Variants in BPIFB2 observed in about 807,000 individuals in gnomAD.
BPIFB2 encodes the protein BPI fold-containing family B member 2.
Under a neutral mutation model 50.1 loss-of-function variants are expected in BPIFB2, and 39 were observed. The observed-to-expected ratio is 0.78, with a 90% confidence interval of 0.60 to 1.02. The LOEUF (loss-of-function observed/expected upper bound fraction) is 1.02. Among genes scored for constraint, BPIFB2 ranks in the 50% least tolerant of loss-of-function variants. BPIFB2 has a pLI of 0.00. For missense variants in BPIFB2, 574 were observed against 585.8 expected, an observed-to-expected ratio of 0.98 and a Z score of 0.21; for synonymous variants, 280 against 256.3, an observed-to-expected ratio of 1.09 and a Z score of -0.88.
chr20:33,020,559 T>G lies in BPIFB2; in HGVS notation c.1166T>G (p.Val389Gly). 1 of 1,609,430 alleles carries G rather than the reference T, an allele frequency of 6.2e-7. No individual in the cohort carries two copies. Among genetic ancestry groups the G allele is most frequent in the Non-Finnish European group, 8.5e-7 (1 of 1,177,000 alleles). ...TSVLGDVQLT[V>G]ASSNVGFIDT... ...TCTTTCAGGGATGTCCAGCTCACGG[T>G]GGCCTCCTCCAACGTGGGCTTCATT... The change falls in exon 13 of 16, where the codon GTG becomes GGG. Residue 389 changes from valine to glycine, a missense_variant. Coordinates refer to ENST00000170150, the MANE Select transcript of BPIFB2 (RefSeq NM_025227.3).
chr20:33,019,883 G>A (rs948104950), intron 11 of BPIFB2, 133 bp downstream of exon 11: 60 of 1,195,734 alleles, frequency 5.0e-5, no homozygotes, highest in Middle Eastern at 3.9e-4. Context: ...GGACACTCCC[G>A]CCCCAGGACC....
In BPIFB2 at chr20:33,008,656, C is replaced by T. The variant is rs143361589; in HGVS notation, c.82C>T (p.Arg28Ter). 1.5e-5 allele frequency: 24 copies of T among 1,606,742 alleles called. No homozygotes were observed. The highest frequency in any genetic ancestry group is 2.7e-5 in the African/African-American group (2 of 74,774). The stretch of plus-strand genomic sequence containing the variant: ...TGCCTCCACGCCAGGCACCGTGGTC[C>T]GACTCAACAAGGCAGCATTGAGCTA... ...VGASTPGTVV[R>*]LNKAALSYVS... The change falls in exon 2 of 16, where the codon CGA becomes TGA. Residue 28 changes from arginine to a stop codon, truncating the protein, a stop_gained. Coordinates refer to ENST00000170150, the MANE Select transcript of BPIFB2 (RefSeq NM_025227.3). LOFTEE classifies it high-confidence loss of function.
rs1395714238 is a variant in BPIFB2, at chr20:33,015,466, G to A, written c.486G>A (p.Gln162=). ...STSHALLVLV[Q]KHIKAVLSNK... is the part of the protein sequence containing the mutation. ...CCCACGCGCTGCTGGTCCTGGTGCA[G>A]AAGCACATTAAAGCTGTCTTGAGTA... The change falls in exon 6 of 16, where the codon CAG becomes CAA. Residue 162 remains glutamine (Q), a synonymous_variant. Coordinates refer to ENST00000170150, the MANE Select transcript of BPIFB2 (RefSeq NM_025227.3). The A allele has an allele frequency of 5.6e-6, 9 of 1,613,704 alleles. No individual in the cohort carries two copies. Among genetic ancestry groups the A allele is most frequent in the Non-Finnish European group, 6.8e-6 (8 of 1,179,904 alleles).
intron 15 of BPIFB2, among the ~76,000 whole-genome samples, 178 bp from the exon 16 acceptor site, chr20:33,023,164 G>T (rs1430681697): frequency 6.6e-6 from 1 of 152,174 alleles, no homozygotes; most frequent in East Asian, 1.9e-4. Flanking sequence ...TTGTGAGGTG[G>T]AGGCTGTTAC....
Position 33,017,052 on chromosome 20 carries a change from G to T in BPIFB2, c.527G>T (p.Ser176Ile). The T allele has an allele frequency of 6.2e-7, 1 of 1,614,060 alleles. No individual in the cohort carries two copies. Among genetic ancestry groups the T allele is most frequent in the Non-Finnish European group, 8.5e-7 (1 of 1,179,956 alleles). The stretch of plus-strand genomic sequence containing the variant: ...TCTGTCTTACCACAGCTGTGCCTGA[G>T]CATCTCCAACCTGGTGCAGGGTGTC... ...KAVLSNKLCLSISNLVQGVNV... is the reference protein window; with the variant it reads ...KAVLSNKLCLIISNLVQGVNV... Residue 176 changes from serine to isoleucine, a missense_variant, in exon 7 of 16, where the codon AGC becomes ATC. By Grantham distance (142) the Ser-to-Ile change is moderately radical. Coordinates refer to ENST00000170150, the MANE Select transcript of BPIFB2 (RefSeq NM_025227.3).
chr20:33,008,752 C>A, intron 2 of BPIFB2, 69 bp downstream of exon 2: 1 of 1,308,216 alleles, frequency 7.6e-7, no homozygotes, highest in Non-Finnish European at 1.0e-6. Flanking sequence ...AGTGTGTGTG[C>A]GTAGCTGTGA....
At position 33,021,078 on chromosome 20, in the gene BPIFB2, G is replaced by A. The variant is rs548660566; in HGVS notation, c.1195-203G>A. ...GCACTGCTGCTGGGTGTGATCCTGC[G>A]AAGGCTGAGCCAACCATGGGGGTAT... On this transcript the variant is annotated intron_variant, in intron 13 of 15. Transcript: ENST00000170150. Among the ~76,000 whole-genome samples, 7 of 152,308 alleles carry A rather than the reference G, an allele frequency of 4.6e-5. No individual in the cohort carries two copies. In the East Asian group the frequency reaches 1.2e-3, roughly 25 times the overall value.
Position 33,012,784 on chromosome 20 carries a change from C to T in BPIFB2, c.204-19C>T, listed in dbSNP as rs747678701. On this transcript the variant is annotated intron_variant, in intron 3 of 15. Coordinates refer to ENST00000170150, the MANE Select transcript of BPIFB2 (RefSeq NM_025227.3). The stretch of plus-strand genomic sequence containing the variant: ...GGTTTAATGGGGGCCACTCTGTCAC[C>T]TTGATTACTACCCTGCAGGATCCGG... 4.4e-6 allele frequency: 7 copies of T among 1,593,848 alleles called. No homozygotes were observed. The highest frequency in any genetic ancestry group is 6.0e-6 in the Non-Finnish European group (7 of 1,161,684).
chr20:33,015,520 G>T (rs764642040), intron 6 of BPIFB2, 24 bp downstream of exon 6: 2 of 1,584,644 alleles, frequency 1.3e-6, no homozygotes, highest in East Asian at 2.3e-5. Flanking sequence ...AGATTTCTCA[G>T]AAAGGAGGGC....
intron 15 of BPIFB2, among the ~76,000 whole-genome samples, chr20:33,022,688 T>C (rs1471203542): frequency 6.6e-6 from 1 of 152,246 alleles, no homozygotes; most frequent in African/African-American, 2.4e-5. Context: ...TACTGAGCAC[T>C]GAAATGTGGC....
chr20:33,019,457 A>G (rs1016606731), intron 10 of BPIFB2, 123 bp from the exon 11 acceptor site: 9 of 1,131,400 alleles, frequency 8.0e-6, no homozygotes, highest in African/African-American at 6.3e-5. Context: ...CAGAGGGGGG[A>G]CCCACCTCTG....
In BPIFB2 at chr20:33,011,111, C is replaced by T; in HGVS notation, c.197C>T (p.Pro66Leu). 1.2e-6 allele frequency: 2 copies of T among 1,613,660 alleles called. No individual in the cohort carries two copies. The highest frequency in any genetic ancestry group is 2.7e-5 in the African/African-American group (2 of 75,026). ...GACTGGAGTGGAGAGGCGCTTCAGC[C>T]CACCAGGTGAGTGCTCCCCTCCTCC... ...FLDWSGEALQ[P>L]TRIRILNVHV... The change falls in exon 3 of 16, where the codon CCC (proline) becomes CTC (leucine). Residue 66 changes from proline (P) to leucine (L), a missense_variant. Pro to Leu is a moderately conservative substitution (Grantham distance 98, BLOSUM62 -3). Coordinates refer to ENST00000170150, the MANE Select transcript of BPIFB2 (RefSeq NM_025227.3).
intron 15 of BPIFB2, among the ~76,000 whole-genome samples, 186 bp downstream of exon 15, chr20:33,021,985 C>T (rs1299852111): frequency 6.6e-6 from 1 of 152,154 alleles, no homozygotes; most frequent in East Asian, 1.9e-4. Flanking sequence ...TTCCTTTAGT[C>T]CTCATAAAAT....
At chr20:33,021,966 G>A (rs1600516881) in intron 15 of BPIFB2, among the ~76,000 whole-genome samples, 167 bp downstream of exon 15, 2 of 152,128 alleles carry the variant, frequency 1.3e-5, no homozygotes, top group Admixed American at 6.5e-5. Context: ...TGGGTCAAAG[G>A]TTTCACCCTT....
rs1978619228 is a variant in BPIFB2, at chr20:33,020,405, C to T, written c.1148+10C>T. The T allele has an allele frequency of 6.2e-7, 1 of 1,613,462 alleles. No individual in the cohort carries two copies. Among genetic ancestry groups the T allele is most frequent in the Non-Finnish European group, 8.5e-7 (1 of 1,179,542 alleles). On this transcript the variant is annotated intron_variant, in intron 12 of 15. Coordinates refer to ENST00000170150, the MANE Select transcript of BPIFB2 (RefSeq NM_025227.3). Reference sequence around the variant, plus strand: ...CCACGTCTGTGCTGGGGTAAACGAGCCCACCTGGACCCAGCAGCCTCAGTG... The same window carrying T: ...CCACGTCTGTGCTGGGGTAAACGAGTCCACCTGGACCCAGCAGCCTCAGTG...
At position 33,019,677 on chromosome 20, in the gene BPIFB2, G is replaced by A. The variant is rs765280199; in HGVS notation, c.1007G>A (p.Arg336Gln). Residue 336 changes from arginine (R) to glutamine (Q), a missense_variant, in exon 11 of 16, where the codon CGG (arginine) becomes CAG (glutamine). Physicochemically the swap from Arg to Gln is conservative, Grantham distance 43. Transcript: ENST00000170150. ...AMLHTNNATL[R>Q]LQPFVEVLAT... ...CTCCACACAAACAACGCCACCCTGCGGCTGCAGCCCTTCGTGGAGGTCCTG... is the reference window on the plus strand; with the variant it reads ...CTCCACACAAACAACGCCACCCTGCAGCTGCAGCCCTTCGTGGAGGTCCTG... 52 of 1,612,506 alleles carry A rather than the reference G, an allele frequency of 3.2e-5. No homozygotes were observed. Among genetic ancestry groups the A allele is most frequent in the Admixed American group, 8.3e-5 (5 of 59,926 alleles).
chr20:33,018,986 C>A, intron 9 of BPIFB2, 76 bp from the exon 10 acceptor site: 2 of 1,601,948 alleles, frequency 1.2e-6, no homozygotes, highest in Non-Finnish European at 1.7e-6. Context: ...GGAGCGATTG[C>A]TCAGGGGGAA....
intron 5 of BPIFB2, among the ~76,000 whole-genome samples, chr20:33,015,006 C>A (rs1170299791): frequency 2.0e-5 from 3 of 151,748 alleles, no homozygotes; most frequent in African/African-American, 7.3e-5. Flanking sequence ...AGAGGGGAAA[C>A]GGAGGCCCAG....
At position 33,012,846 on chromosome 20, in the gene BPIFB2, T is replaced by G. The variant is rs1299009209; in HGVS notation, c.247T>G (p.Phe83Val). 6.2e-7 allele frequency: 1 copy of G among 1,614,090 alleles called. No homozygotes were observed. Among genetic ancestry groups the G allele is most frequent in the African/African-American group, 1.3e-5 (1 of 75,008 alleles). ...CCATGTGCCCCGCCTCCACCTGAAA[T>G]TCATTGCTGGTTTCGGAGTGCGCCT... ...NVHVPRLHLK[F>V]IAGFGVRLLA... is the part of the protein sequence containing the mutation. Residue 83 changes from phenylalanine (F) to valine (V), a missense_variant, in exon 4 of 16, where the codon TTC becomes GTC. Transcript: ENST00000170150.
Sources: gnomAD v4.1 joint callset for allele counts (sites outside exome capture counted in the v4.1 genomes callset) on GRCh38, gnomAD v4.1.1 for gene constraint, MANE v1.5 for transcripts, NCBI Gene and HGNC (gene_info 2026-07-23, HGNC 2026-07-21) for gene names.